TMEM266: variants seen among roughly 807,000 people sequenced by gnomAD.
TMEM266 encodes the protein transmembrane protein 266.
TMEM266 carries 33 observed loss-of-function variants against 50.5 expected under a neutral mutation model. The ratio of observed to expected loss-of-function variants is 0.65; its 90% CI spans 0.50 to 0.87. The LOEUF is 0.87. TMEM266 is among the 40% of genes least tolerant of loss of function. The pLI is 0.00. For synonymous variants in TMEM266, 310 were observed against 292.3 expected (o/e 1.06, Z -0.62); for missense variants, 655 against 695.1 (o/e 0.94, Z 0.65).
chr15:76,148,096 T>C (rs2037783115), intron 3 of TMEM266, among the ~76,000 whole-genome samples: 1 of 152,222 alleles, frequency 6.6e-6, no homozygotes, highest in African/African-American at 2.4e-5. Flanking sequence ...GACCGCTAGA[T>C]GGCGGCGGAG....
intron 9 of TMEM266, among the ~76,000 whole-genome samples, chr15:76,198,706 G>T (rs1262080353): frequency 1.3e-5 from 2 of 152,252 alleles, no homozygotes; most frequent in African/African-American, 2.4e-5. Context: ...ACAGTAAAAT[G>T]TGGCTTCTGC....
intron 3 of TMEM266, among the ~76,000 whole-genome samples, chr15:76,154,933 G>C (rs918341452): frequency 2.0e-5 from 3 of 152,190 alleles, no homozygotes; most frequent in Non-Finnish European, 4.4e-5. Flanking sequence ...TCCGAGAGAA[G>C]GGGGCGCCTC....
chr15:76,166,113 C>T (rs142947659), intron 5 of TMEM266, among the ~76,000 whole-genome samples: 8 of 152,152 alleles, frequency 5.3e-5, no homozygotes, highest in Admixed American at 1.3e-4. Context: ...TAGTCCAGCG[C>T]GTGTTTTCGG....
intron 3 of TMEM266, among the ~76,000 whole-genome samples, chr15:76,140,482 C>T (rs12441886): frequency 0.096 from 14,570 of 152,194 alleles, 1,014 homozygotes; most frequent in Admixed American, 0.21. Context: ...ATGCCTCTTC[C>T]TACGAAGGCC....
chr15:76,084,582 A>T (rs1251179171), intron 1 of TMEM266, among the ~76,000 whole-genome samples: 1 of 148,996 alleles, frequency 6.7e-6, no homozygotes, highest in African/African-American at 2.5e-5. Context: ...AGAGCCAGAG[A>T]TGAGGGTTTT....
At chr15:76,077,509 A>G (rs911164626) in intron 1 of TMEM266, among the ~76,000 whole-genome samples, 1 of 152,102 alleles carries the variant, frequency 6.6e-6, no homozygotes, top group Admixed American at 6.5e-5. Flanking sequence ...CCTTATCTGG[A>G]AAAGGGGTCT....
Position 76,160,191 on chromosome 15 carries a change from T to C in TMEM266, c.456+23T>C, listed in dbSNP as rs374888426. 1 of 1,605,102 alleles carries C rather than the reference T, an allele frequency of 6.2e-7. No homozygotes were observed. Among genetic ancestry groups the C allele is most frequent in the Non-Finnish European group, 8.5e-7 (1 of 1,171,828 alleles). On this transcript the variant is annotated intron_variant, in intron 5 of 10. Coordinates refer to ENST00000388942, the MANE Select transcript of TMEM266 (RefSeq NM_152335.3). The surrounding 1 kb of genome is among the most constrained non-coding windows in gnomAD (Gnocchi z 5.7). ...GAGGTAGGTGGAGACTCTGGCCCTG[T>C]CACCTCCTCTGTTGGGTGACTCCTG... is the stretch of plus-strand genomic sequence containing the variant.
At chr15:76,066,041 C>T (rs2036410655) in intron 1 of TMEM266, among the ~76,000 whole-genome samples, 1 of 152,216 alleles carries the variant, frequency 6.6e-6, no homozygotes, top group South Asian at 2.1e-4. Context: ...TGGAGCCTGT[C>T]TCTCTCAGAC....
intron 3 of TMEM266, among the ~76,000 whole-genome samples, chr15:76,146,476 G>T (rs2037758583): frequency 1.3e-5 from 2 of 152,198 alleles, no homozygotes. Flanking sequence ...GGAAGTTCGG[G>T]TCTTGGGCAG....
intron 1 of TMEM266, among the ~76,000 whole-genome samples, chr15:76,098,347 G>C (rs2142002159): frequency 6.6e-6 from 1 of 152,174 alleles, no homozygotes; most frequent in South Asian, 2.1e-4. Context: ...CTCTGCTGCT[G>C]GTCTGCTAGA....
chr15:76,072,784 C>A (rs924959208), intron 1 of TMEM266, among the ~76,000 whole-genome samples: 2 of 150,118 alleles, frequency 1.3e-5, no homozygotes, highest in Admixed American at 6.6e-5. Context: ...ATTACATGTG[C>A]ACACCACCAT....
At position 76,160,437 on chromosome 15, in the gene TMEM266, G is replaced by A. The variant is rs897383427; in HGVS notation, c.456+269G>A. ...GGTGTTCTCCAGGTGAGGGGTGGGC[G>A]ATGACTGGTGAAGGTGAGACTGAAT... On this transcript the variant is annotated intron_variant, in intron 5 of 10. Coordinates refer to ENST00000388942, the MANE Select transcript of TMEM266 (RefSeq NM_152335.3). This position sits in a 1 kb window ranked among gnomAD's most constrained non-coding sequence, Gnocchi z 5.7. 1.3e-5 allele frequency among the ~76,000 whole-genome samples: 2 copies of A among 152,216 alleles called. No individual in the cohort carries two copies. The highest frequency in any genetic ancestry group is 6.5e-5 in the Admixed American group (1 of 15,284).
Position 76,098,457 on chromosome 15 carries a change from G to A in TMEM266, c.-96-35711G>A, listed in dbSNP as rs552078667. Among the ~76,000 whole-genome samples, 26 of 152,180 alleles carry A rather than the reference G, an allele frequency of 1.7e-4. No homozygotes were observed. The East Asian group carries it at 3.1e-3, about 18-fold the overall frequency. On this transcript the variant is annotated intron_variant, in intron 1 of 10. Transcript: ENST00000388942. The stretch of plus-strand genomic sequence containing the variant: ...GCCTGATCTTTCCCCTGGAAGCCTC[G>A]TCCCAGAGGGGCACCTGCCAGATGC...
chr15:76,129,092 C>G (rs1283174434), intron 1 of TMEM266, among the ~76,000 whole-genome samples: 1 of 151,570 alleles, frequency 6.6e-6, no homozygotes. Flanking sequence ...TGAATAGAAG[C>G]TGACCAATGA....
At chr15:76,098,717 T>G (rs544936950) in intron 1 of TMEM266, among the ~76,000 whole-genome samples, 29 of 151,340 alleles carry the variant, frequency 1.9e-4, no homozygotes, top group African/African-American at 7.0e-4. Flanking sequence ...CCCTTGGAGA[T>G]GGGGATTTTA....
In TMEM266 at chr15:76,160,511, C is replaced by T. The variant is rs1028667537; in HGVS notation, c.456+343C>T. Among the ~76,000 whole-genome samples the T allele has an allele frequency of 1.1e-4, 17 of 152,076 alleles. No homozygotes were observed. The highest frequency in any genetic ancestry group is 2.1e-4 in the Non-Finnish European group (14 of 67,996). ...TTGGGTGCAGCCAGTAAGGAGCGGG[C>T]GGGAGGTGAGGCTGAAGCCAGGTGC... On this transcript the variant is annotated intron_variant, in intron 5 of 10. Transcript: ENST00000388942. This position sits in a 1 kb window ranked among gnomAD's most constrained non-coding sequence, Gnocchi z 5.7.
rs186448593 is a variant in TMEM266, at chr15:76,181,748, G to A, written c.768+6074G>A. On this transcript the variant is annotated intron_variant, in intron 8 of 10. Transcript: ENST00000388942. ...AGAAACCAAAGCCATTTTAGATGCAGCAGTTAAATCAATGCAACGATATAC... is the reference window on the plus strand; with the variant it reads ...AGAAACCAAAGCCATTTTAGATGCAACAGTTAAATCAATGCAACGATATAC... 2.5e-3 allele frequency among the ~76,000 whole-genome samples: 383 copies of A among 152,246 alleles called. 2 individuals are homozygous for A. Among genetic ancestry groups the A allele is most frequent in the South Asian group, 3.9e-3 (19 of 4,828 alleles).
intron 1 of TMEM266, among the ~76,000 whole-genome samples, chr15:76,062,724 T>C (rs1196205172): frequency 6.6e-6 from 1 of 152,218 alleles, no homozygotes; most frequent in African/African-American, 2.4e-5. Context: ...AATGCAGAGC[T>C]GAGAAGGCTT....
intron 4 of TMEM266, among the ~76,000 whole-genome samples, chr15:76,159,287 C>A (rs988491630): frequency 6.6e-6 from 1 of 152,228 alleles, no homozygotes; most frequent in African/African-American, 2.4e-5. Flanking sequence ...GGCTAAAAAC[C>A]ATGCCATGCC....
Sources: gnomAD v4.1 joint callset for allele counts (sites outside exome capture counted in the v4.1 genomes callset) on GRCh38, gnomAD v4.1.1 for gene constraint, Gnocchi (gnomAD v3.1) non-coding constraint, MANE v1.5 for transcripts, NCBI Gene and HGNC (gene_info 2026-07-23, HGNC 2026-07-21) for gene names.